The following CDK12 variants were observed in gnomAD, a reference collection of about 807,000 sequenced individuals.
CDK12 encodes cyclin dependent kinase 12.
CDK12 carries 17 observed loss-of-function variants against 133.8 expected under a neutral mutation model. That is an observed-to-expected ratio of 0.13 (90% CI 0.09 to 0.19). The LOEUF (loss-of-function observed/expected upper bound fraction) is 0.19. CDK12 is among the 10% of genes least tolerant of loss of function. The probability of loss-of-function intolerance (pLI) is 1.00; values close to 1 mark genes in which losing one functional copy is unlikely to be tolerated. For synonymous variants in CDK12, 694 were observed against 683.6 expected, an observed-to-expected ratio of 1.02 and a Z score of -0.24; for missense variants, 1,508 against 1,818.7, an observed-to-expected ratio of 0.83 and a Z score of 3.11.
At chr17:39,469,132 G>C (rs1381306102) in intron 1 of CDK12, among the ~76,000 whole-genome samples, 1 of 152,098 alleles carries the variant, frequency 6.6e-6, no homozygotes, top group African/African-American at 2.4e-5. Flanking sequence ...GGCCTTTGTT[G>C]GTTTTTTGTT....
chr17:39,473,170 G>C (rs2049931197), intron 2 of CDK12, among the ~76,000 whole-genome samples: 2 of 151,548 alleles, frequency 1.3e-5, no homozygotes, highest in Non-Finnish European at 2.9e-5. Flanking sequence ...TTTTCAGTTG[G>C]AATTCAAAAT....
chr17:39,485,571 C>T (rs142336906), intron 2 of CDK12, among the ~76,000 whole-genome samples: 2,211 of 152,008 alleles, frequency 0.015, 53 homozygotes, highest in African/African-American at 0.05. Flanking sequence ...TGCCACCACG[C>T]CTGGCTAATT....
At chr17:39,473,421 C>G (rs1315390763) in intron 2 of CDK12, among the ~76,000 whole-genome samples, 2 of 152,032 alleles carry the variant, frequency 1.3e-5, no homozygotes, top group African/African-American at 4.8e-5. Context: ...AAGCATGAAT[C>G]TAATTTTATA....
chr17:39,504,667 C>T (rs541427657), intron 6 of CDK12, among the ~76,000 whole-genome samples: 1 of 151,544 alleles, frequency 6.6e-6, no homozygotes, highest in Non-Finnish European at 1.5e-5. Context: ...TCACTTGATG[C>T]TAGGAGTTCG....
intron 2 of CDK12, among the ~76,000 whole-genome samples, chr17:39,487,163 T>C (rs1287363442): frequency 6.6e-6 from 1 of 152,202 alleles, no homozygotes; most frequent in African/African-American, 2.4e-5. Context: ...CATTATCTAC[T>C]CCACTGACTA....
upstream of CDK12, chr17:39,544,413 C>A: frequency 4.9e-6 from 2 of 408,828 alleles, no homozygotes; most frequent in Admixed American, 2.8e-5. Context: ...TGTGGGATGA[C>A]CCTACTCCCA....
upstream of CDK12, among the ~76,000 whole-genome samples, chr17:39,544,887 C>G (rs907358899): frequency 6.6e-6 from 1 of 152,164 alleles, no homozygotes; most frequent in Non-Finnish European, 1.5e-5. Context: ...GCCTCAGCCT[C>G]CCAAAGTGCT....
At position 39,496,701 on chromosome 17, in the gene CDK12, C is replaced by CA. The variant is rs578139577; in HGVS notation, c.2419+2016dup. Among the ~76,000 whole-genome samples the CA allele has an allele frequency of 8.7e-4, 131 of 150,438 alleles. 3 individuals carry two copies. The East Asian group carries it at 0.023, about 27-fold the overall frequency. On this transcript the variant is annotated intron_variant, in intron 5 of 13. Coordinates refer to ENST00000447079, the MANE Select transcript of CDK12 (RefSeq NM_016507.4). The stretch of plus-strand genomic sequence containing the variant: ...GGGTGACAAGAGCAAAACTCTGTCT[C>CA]AAAAAAAAATCCCAAAAAACATAAT...
At chr17:39,501,481 C>T (rs2146148837) in intron 6 of CDK12, 42 bp downstream of exon 6, 6 of 1,379,928 alleles carry the variant, frequency 4.3e-6, no homozygotes, top group Non-Finnish European at 6.0e-6. Context: ...TTCCTCTTCT[C>T]CTCTGACCTT....
At chr17:39,485,408 CTTTT>C (rs35318849) in intron 2 of CDK12, among the ~76,000 whole-genome samples, 4 of 69,860 alleles carry the variant, frequency 5.7e-5, no homozygotes, top group African/African-American at 1.0e-4. Flanking sequence ...CATCCCCCCC[CTTTT>C]TTTTTTTTTT....
chr17:39,511,605 C>T lies in CDK12; in HGVS notation c.2743C>T (p.Pro915Ser), dbSNP rs2146375913. The T allele has an allele frequency of 6.2e-7, 1 of 1,611,782 alleles. No individual in the cohort carries two copies. The highest frequency in any genetic ancestry group is 1.1e-5 in the South Asian group (1 of 90,870). ...ACTGCTAGGAGAGGAACGTTACACACCAGCCATAGATGTTTGGAGCTGTGG... is the reference window on the plus strand; with the variant it reads ...ACTGCTAGGAGAGGAACGTTACACATCAGCCATAGATGTTTGGAGCTGTGG... ...ELLLGEERYT[P>S]AIDVWSCGCI... The change falls in exon 8 of 14, where the codon CCA becomes TCA. Residue 915 changes from proline to serine, a missense_variant. Transcript: ENST00000447079.
chr17:39,462,205 A>G lies in CDK12; in HGVS notation c.134A>G (p.His45Arg), dbSNP rs770625855. ...CGCTTGGTATCGAAGCACAAGCGGC[A>G]TAAGTCCAAACACTCCAAAGACATG... Reference protein sequence around the residue: ...RHRLVSKHKRHKSKHSKDMGL... With the variant: ...RHRLVSKHKRRKSKHSKDMGL... The change falls in exon 1 of 14, where the codon CAT (histidine) becomes CGT (arginine). Residue 45 changes from histidine to arginine, a missense_variant. Physicochemically the swap from His to Arg is conservative, Grantham distance 29. Coordinates refer to ENST00000447079, the MANE Select transcript of CDK12 (RefSeq NM_016507.4). 17 of 1,614,096 alleles carry G rather than the reference A, an allele frequency of 1.1e-5. No individual in the cohort carries two copies. The highest frequency in any genetic ancestry group is 4.0e-5 in the African/African-American group (3 of 74,930).
At chr17:39,530,519 G>A in intron 13 of CDK12, 85 bp from the exon 14 acceptor site, 2 of 1,483,764 alleles carry the variant, frequency 1.3e-6, no homozygotes, top group Admixed American at 4.8e-5. Flanking sequence ...ATTGATATTT[G>A]TTTATGTTGC....
chr17:39,546,802 A>G (rs2055729033), upstream of CDK12: 1 of 152,122 alleles, frequency 6.6e-6, no homozygotes, highest in Non-Finnish European at 1.5e-5. Context: ...AAACAGGGTT[A>G]TGTTTCTCTC....
At chr17:39,565,487 A>G (rs1374091610), downstream of CDK12, among the ~76,000 whole-genome samples, 14 of 150,696 alleles carry the variant, frequency 9.3e-5, no homozygotes, top group Admixed American at 9.3e-4. Flanking sequence ...AGGCTGGAGT[A>G]CAATGGCATG....
At chr17:39,515,177 A>G (rs2053724203) in intron 8 of CDK12, among the ~76,000 whole-genome samples, 1 of 152,118 alleles carries the variant, frequency 6.6e-6, no homozygotes. Context: ...GCACCACTGC[A>G]CTCCAGCCTG....
chr17:39,565,513 A>G (rs991384190), downstream of CDK12, among the ~76,000 whole-genome samples: 1 of 151,720 alleles, frequency 6.6e-6, no homozygotes, highest in Non-Finnish European at 1.5e-5. Context: ...AGCTCACTGC[A>G]ACTTTTGCCT....
rs1448189662 is a variant in CDK12 at position 39,531,443 on chromosome 17, C to A, written c.*127C>A. ...TGCATTTGGCTACTGCAAAGCTGTC[C>A]GTTGTATTCCTTGCTCACTTGCTAC... On this transcript the variant is annotated 3_prime_UTR_variant, in exon 14 of 14. Transcript: ENST00000447079. 9.7e-5 allele frequency: 88 copies of A among 910,788 alleles called. No individual in the cohort carries two copies. Among genetic ancestry groups the A allele is most frequent in the Non-Finnish European group, 1.4e-5 (9 of 666,562 alleles). The allele number at this position is 910,788 out of a possible 1,614,324, so 56.4% of individuals were successfully genotyped here.
intron 2 of CDK12, among the ~76,000 whole-genome samples, chr17:39,473,889 A>G (rs1313591809): frequency 6.6e-6 from 1 of 151,442 alleles, no homozygotes; most frequent in Non-Finnish European, 1.5e-5. Context: ...CGTCTCAAAA[A>G]AAAAAAAAGA....
Sources: allele counts gnomAD v4.1 joint callset (sites outside exome capture counted in the v4.1 genomes callset), GRCh38; gene constraint gnomAD v4.1.1; transcripts MANE v1.5; gene names NCBI Gene and HGNC (gene_info 2026-07-23, HGNC 2026-07-21).